DCTPP1: variants seen among roughly 807,000 people sequenced by gnomAD.
DCTPP1 encodes dCTP pyrophosphatase 1.
A neutral mutation model predicts 8.8 loss-of-function variants in DCTPP1; 8 were observed. That is an observed-to-expected ratio of 0.91 (90% confidence interval 0.54 to 1.64). DCTPP1 has a LOEUF of 1.64. Among genes scored for constraint, DCTPP1 ranks in the 40% most tolerant of loss-of-function variants. The pLI, the probability that DCTPP1 is intolerant of heterozygous loss-of-function variation, is 0.00. For missense variants in DCTPP1, 231 were observed against 230.4 expected, an observed-to-expected ratio of 1.00 and a Z score of -0.02; for synonymous variants, 85 against 92.1, an observed-to-expected ratio of 0.92 and a Z score of 0.44.
intron 2 of DCTPP1, among the ~76,000 whole-genome samples, chr16:30,425,579 A>C (rs560993527): frequency 6.6e-6 from 1 of 151,918 alleles, no homozygotes; most frequent in Non-Finnish European, 1.5e-5. Context: ...GGGAGGGTGA[A>C]GTGGGTAGAT....
intron 2 of DCTPP1, among the ~76,000 whole-genome samples, chr16:30,428,470 A>C (rs1228249987): frequency 6.6e-6 from 1 of 152,216 alleles, no homozygotes; most frequent in Non-Finnish European, 1.5e-5. Context: ...CCCCAGAGGC[A>C]GAGGAAAAGG....
Position 30,424,019 on chromosome 16 carries a change from C to T in DCTPP1, c.*214G>A, listed in dbSNP as rs2050178076. The T allele has an allele frequency of 3.3e-6, 2 of 608,794 alleles. No individual in the cohort carries two copies. Among genetic ancestry groups the T allele is most frequent in the Non-Finnish European group, 5.6e-6 (2 of 359,552 alleles). The allele number at this position is 608,794 out of a possible 1,614,324, so 37.7% of individuals were successfully genotyped here. On this transcript the variant is annotated 3_prime_UTR_variant, in exon 3 of 3. Coordinates refer to ENST00000319285, the MANE Select transcript of DCTPP1 (RefSeq NM_024096.2). ...TGAGACAGAGAGCCTCCCTGGCCATCCAGGAATAATCTAGAAGTTATCGCC... is the reference window on the plus strand; with the variant it reads ...TGAGACAGAGAGCCTCCCTGGCCATTCAGGAATAATCTAGAAGTTATCGCC...
At chr16:30,425,181 A>C (rs1398498585) in intron 2 of DCTPP1, among the ~76,000 whole-genome samples, 1 of 151,492 alleles carries the variant, frequency 6.6e-6, no homozygotes, top group African/African-American at 2.4e-5. Flanking sequence ...CACCCGGCCC[A>C]CACCATCTTT....
In DCTPP1 at chr16:30,427,013, G is replaced by GT. The variant is rs1363743195; in HGVS notation, c.212+2043dup. On this transcript the variant is annotated intron_variant, in intron 2 of 2. Transcript: ENST00000319285. ...ACCGCACCTGGACCTTTTTCGTTGG[G>GT]TTTTTTTTTTTTTTGAGACGGAGCC... is the stretch of plus-strand genomic sequence containing the variant. 5.1e-3 allele frequency among the ~76,000 whole-genome samples: 614 copies of GT among 119,766 alleles called. 1 individual carries two copies. Among genetic ancestry groups the GT allele is most frequent in the East Asian group, 0.012 (50 of 4,030 alleles). 78.6% of individuals were successfully genotyped at this position (119,766 alleles called of 152,430 possible). A position where few individuals can be genotyped will look rare whatever the true frequency, so the allele number is the denominator to read the frequency against.
At chr16:30,429,795 C>A in intron 1 of DCTPP1, 85 bp downstream of exon 1, 1 of 1,378,716 alleles carries the variant, frequency 7.3e-7, no homozygotes. Flanking sequence ...TGCCAGCCCG[C>A]TTCCCGACCA....
intron 2 of DCTPP1, among the ~76,000 whole-genome samples, chr16:30,427,265 C>G (rs563446339): frequency 1.8e-4 from 27 of 150,352 alleles, no homozygotes; most frequent in Non-Finnish European, 2.1e-4. Context: ...CCGTCTCAGC[C>G]TCCCAAAGTG....
intron 2 of DCTPP1, chr16:30,428,759 C>G: frequency 2.4e-6 from 1 of 417,638 alleles, no homozygotes. Context: ...AGAGCGAGAC[C>G]CCGTCTCAAA....
At chr16:30,429,794 G>A (rs749515017) in intron 1 of DCTPP1, 86 bp downstream of exon 1, 98 of 1,358,914 alleles carry the variant, frequency 7.2e-5, no homozygotes, top group Non-Finnish European at 8.7e-5. Context: ...CTGCCAGCCC[G>A]CTTCCCGACC....
At chr16:30,428,719 ATTGAGCCACTGCACTC>A (rs2050207879) in intron 2 of DCTPP1, among the ~76,000 whole-genome samples, 1 of 152,120 alleles carries the variant, frequency 6.6e-6, no homozygotes. Flanking sequence ...GTGAGCCGAA[ATTGAGCCACTGCACTC>A]CAGCCTGGGC....
chr16:30,424,585 G>A, intron 2 of DCTPP1, 52 bp from the exon 3 acceptor site: 2 of 1,581,910 alleles, frequency 1.3e-6, no homozygotes, highest in South Asian at 1.1e-5. Context: ...TGGGGCAATG[G>A]GCTCTGCCAG....
In DCTPP1 at chr16:30,429,898, T is replaced by G; in HGVS notation, c.83A>C (p.Glu28Ala). Residue 28 changes from glutamate (E) to alanine (A), a missense_variant, in exon 1 of 3, where the codon GAG becomes GCG. Physicochemically the swap from Glu to Ala is moderately radical, Grantham distance 107 (BLOSUM62 -1). Coordinates refer to ENST00000319285, the MANE Select transcript of DCTPP1 (RefSeq NM_024096.2). ...TGCTTACATGTCCTCGAGCGTGGGCTCCGGGCTGAAGCTGAACCGGCCGGG... is the reference window on the plus strand; with the variant it reads ...TGCTTACATGTCCTCGAGCGTGGGCGCCGGGCTGAAGCTGAACCGGCCGGG... ...AAPGRFSFSP[E>A]PTLEDIRRLH... The G allele has an allele frequency of 6.3e-7, 1 of 1,596,144 alleles. No homozygotes were observed. Among genetic ancestry groups the G allele is most frequent in the Non-Finnish European group, 8.5e-7 (1 of 1,172,090 alleles).
chr16:30,427,168 C>T (rs2050199401), intron 2 of DCTPP1, among the ~76,000 whole-genome samples: 1 of 151,468 alleles, frequency 6.6e-6, no homozygotes, highest in South Asian at 2.1e-4. Flanking sequence ...CGCCACCACG[C>T]CCGGCTAATT....
chr16:30,429,167 G>A lies in DCTPP1; in HGVS notation c.102C>T (p.Ile34=). The change falls in exon 2 of 3, where the codon ATC becomes ATT. Residue 34 remains isoleucine (I), a splice_region_variant and synonymous_variant. Transcript: ENST00000319285. ...CAGCAAACTCAGCATGGAGGCGGCG[G>A]CTGAAATAGGACAAAGGAGTGTAAG... The part of the protein sequence containing the change: ...SFSPEPTLED[I]RRLHAEFAAE... 2 of 1,614,032 alleles carry A rather than the reference G, an allele frequency of 1.2e-6. No individual in the cohort carries two copies. Among genetic ancestry groups the A allele is most frequent in the Non-Finnish European group, 1.7e-6 (2 of 1,179,988 alleles).
chr16:30,426,597 G>C (rs949767044), intron 2 of DCTPP1, among the ~76,000 whole-genome samples: 3 of 151,792 alleles, frequency 2.0e-5, no homozygotes, highest in African/African-American at 7.3e-5. Flanking sequence ...TCAGCCTCCT[G>C]AGTAGCTGTG....
intron 1 of DCTPP1, chr16:30,429,439 T>G (rs1468445310): frequency 2.3e-6 from 1 of 433,582 alleles, no homozygotes; most frequent in East Asian, 3.7e-5. Context: ...CTTCTGCAGT[T>G]TCCTCCACCT....
rs1405342592 is a variant in DCTPP1, at chr16:30,429,997, C to T, written c.-17G>A. On this transcript the variant is annotated 5_prime_UTR_variant, in exon 1 of 3. It adds an upstream start codon to the 5' untranslated region. Coordinates refer to ENST00000319285, the MANE Select transcript of DCTPP1 (RefSeq NM_024096.2). ...CACAGACATGCCGCCCACCGCTGCA[C>T]CGCGACTTCACGGAAAACCCACGAG... 1.3e-6 allele frequency: 2 copies of T among 1,484,796 alleles called. No individual in the cohort carries two copies. Among genetic ancestry groups the T allele is most frequent in the Non-Finnish European group, 9.0e-7 (1 of 1,117,232 alleles). The allele number at this position is 1,484,796 out of a possible 1,614,324, so 92.0% of individuals were successfully genotyped here.
At position 30,424,534 on chromosome 16, in the gene DCTPP1, C is replaced by G; in HGVS notation, c.213-1G>C. ...AGGTTCCCCATCGGTTTTCCACTGA[C>G]TAGGGGCAGAACACAGACAGACACA... is the stretch of plus-strand genomic sequence containing the variant. On this transcript the variant is annotated splice_acceptor_variant, in intron 2 of 2. Coordinates refer to ENST00000319285, the MANE Select transcript of DCTPP1 (RefSeq NM_024096.2). LOFTEE classifies it high-confidence loss of function. The G allele has an allele frequency of 6.2e-7, 1 of 1,612,868 alleles. No individual in the cohort carries two copies. Among genetic ancestry groups the G allele is most frequent in the Non-Finnish European group, 8.5e-7 (1 of 1,179,802 alleles).
rs200063128 is a variant in DCTPP1, at chr16:30,429,097, G to A, written c.172C>T (p.Leu58=). ...EQFHQPRNLL[L]ALVGEVGELA... is the part of the protein sequence containing the mutation. ...TCCCCCACTTCCCCAACCAAGGCCA[G>A]GAGGAGATTCCGAGGCTGATGGAAC... Residue 58 remains leucine, a synonymous_variant, in exon 2 of 3, where the codon CTG becomes TTG. Coordinates refer to ENST00000319285, the MANE Select transcript of DCTPP1 (RefSeq NM_024096.2). 1 of 1,613,920 alleles carries A rather than the reference G, an allele frequency of 6.2e-7. No individual in the cohort carries two copies. Among genetic ancestry groups the A allele is most frequent in the African/African-American group, 1.3e-5 (1 of 75,022 alleles).
rs1390188843 is a variant in DCTPP1, at chr16:30,424,542, A to C, written c.213-9T>G. 2.5e-6 allele frequency: 4 copies of C among 1,611,948 alleles called. No individual in the cohort carries two copies. Among genetic ancestry groups the C allele is most frequent in the Non-Finnish European group, 2.5e-6 (3 of 1,179,582 alleles). On this transcript the variant is annotated splice_polypyrimidine_tract_variant and intron_variant, in intron 2 of 2. Coordinates refer to ENST00000319285, the MANE Select transcript of DCTPP1 (RefSeq NM_024096.2). ...CATCGGTTTTCCACTGACTAGGGGC[A>C]GAACACAGACAGACACACACTCAGA...
Sources: allele counts gnomAD v4.1 joint callset (sites outside exome capture counted in the v4.1 genomes callset), GRCh38; gene constraint gnomAD v4.1.1; transcripts MANE v1.5; gene names NCBI Gene and HGNC (gene_info 2026-07-23, HGNC 2026-07-21).